Variants in GULP1 observed in about 807,000 individuals in gnomAD.
GULP1 encodes PTB domain-containing engulfment adapter protein 1.
In GULP1, 19 loss-of-function variants were observed where a neutral mutation model predicts 40.9. The observed-to-expected ratio is 0.46, with a 90% CI of 0.32 to 0.68. The LOEUF is 0.68. Among genes scored for constraint, GULP1 ranks in the 30% least tolerant of loss-of-function variants. GULP1 has a pLI of 0.03. For synonymous variants in GULP1, 119 were observed against 117.6 expected (o/e 1.01, Z -0.08); for missense variants, 312 against 362.2 (o/e 0.86, Z 1.12).
At chr2:188,380,205 C>T (rs971409846) in intron 1 of GULP1, among the ~76,000 whole-genome samples, 2 of 152,148 alleles carry the variant, frequency 1.3e-5, no homozygotes, top group Admixed American at 1.3e-4. Flanking sequence ...CTCCAAGCTA[C>T]TTAGGACAAT....
At chr2:188,501,396 G>T (rs186169074) in intron 4 of GULP1, among the ~76,000 whole-genome samples, 2 of 152,060 alleles carry the variant, frequency 1.3e-5, no homozygotes, top group South Asian at 4.1e-4. Flanking sequence ...TTCCCATCAC[G>T]TGGAACTGTG....
chr2:188,415,077 A>T (rs2054409060), intron 2 of GULP1, among the ~76,000 whole-genome samples: 1 of 152,208 alleles, frequency 6.6e-6, no homozygotes, highest in East Asian at 1.9e-4. Context: ...GAACTTAAGC[A>T]GCACTGGTTT....
At chr2:188,343,262 G>A (rs1042292216) in intron 1 of GULP1, among the ~76,000 whole-genome samples, 4 of 151,992 alleles carry the variant, frequency 2.6e-5, no homozygotes, top group Admixed American at 6.6e-5. Flanking sequence ...GAAGAAATGT[G>A]GACAGCAAAT....
chr2:188,404,009 C>A (rs2052689997), intron 2 of GULP1, among the ~76,000 whole-genome samples: 1 of 152,046 alleles, frequency 6.6e-6, no homozygotes, highest in Admixed American at 6.6e-5. Flanking sequence ...CTCACCATTC[C>A]CCCACTCTCA....
chr2:188,466,695 G>A (rs1269820115), intron 2 of GULP1: 2 of 151,896 alleles, frequency 1.3e-5, no homozygotes, highest in Non-Finnish European at 2.9e-5. Context: ...ATCTCATAAT[G>A]TGTGAGCTGG....
chr2:188,527,508 T>G (rs1686473801), intron 5 of GULP1, among the ~76,000 whole-genome samples: 1 of 152,100 alleles, frequency 6.6e-6, no homozygotes, highest in Non-Finnish European at 1.5e-5. Flanking sequence ...TAATTCATAT[T>G]ATTTGGGAGA....
At chr2:188,550,157 G>A (rs77331998) in intron 7 of GULP1, among the ~76,000 whole-genome samples, 528 of 151,716 alleles carry the variant, frequency 3.5e-3, no homozygotes, top group Non-Finnish European at 5.8e-3. Flanking sequence ...TAAATTATCT[G>A]AAAATAAAGT....
intron 2 of GULP1, among the ~76,000 whole-genome samples, chr2:188,439,476 G>A (rs901790004): frequency 6.6e-6 from 1 of 152,030 alleles, no homozygotes; most frequent in Admixed American, 6.6e-5. Flanking sequence ...CTATTGTTTG[G>A]TTAAATAAAT....
chr2:188,370,192 G>A (rs568986247), intron 1 of GULP1, among the ~76,000 whole-genome samples: 12 of 152,220 alleles, frequency 7.9e-5, no homozygotes, highest in African/African-American at 2.2e-4. Flanking sequence ...TTAAGGTAGG[G>A]TTATTCTTCC....
Position 188,541,192 on chromosome 2 carries a change from C to G in GULP1, c.273C>G (p.His91Gln). The G allele has an allele frequency of 6.2e-7, 1 of 1,612,740 alleles. No individual in the cohort carries two copies. Among genetic ancestry groups the G allele is most frequent in the Non-Finnish European group, 8.5e-7 (1 of 1,178,896 alleles). ...ILEPKTKEVQ[H>Q]NCQLHRISFC... ...ATCTGTGTTCACAGGAAGTTCAACA[C>G]AATTGCCAGCTTCATAGAATATCTT... Residue 91 changes from histidine to glutamine, a missense_variant, in exon 7 of 12, where the codon CAC (histidine) becomes CAG (glutamine). Transcript: ENST00000409830.
In GULP1 at chr2:188,569,304, A is replaced by G; in HGVS notation, c.465A>G (p.Ser155=). The change falls in exon 8 of 12, where the codon TCA becomes TCG. Residue 155 remains serine (S), a synonymous_variant. Transcript: ENST00000409830. ...TGGCATACAGGAAATTTCTAGAATC[A>G]GGAGGAAAAGATGTTGAAACAAGAA... ...FDLAYRKFLE[S]GGKDVETRKQ... 6.2e-7 allele frequency: 1 copy of G among 1,603,476 alleles called. No individual in the cohort carries two copies. Among genetic ancestry groups the G allele is most frequent in the Non-Finnish European group, 8.5e-7 (1 of 1,170,474 alleles).
At chr2:188,328,874 A>G (rs920240128) in intron 1 of GULP1, among the ~76,000 whole-genome samples, 7 of 152,126 alleles carry the variant, frequency 4.6e-5, no homozygotes, top group Admixed American at 6.6e-5. Flanking sequence ...ATTTAATACT[A>G]TCTTGCCTTT....
intron 1 of GULP1, among the ~76,000 whole-genome samples, chr2:188,327,348 C>A (rs2040898215): frequency 6.6e-6 from 1 of 152,150 alleles, no homozygotes; most frequent in South Asian, 2.1e-4. Flanking sequence ...CAAGGCTCTG[C>A]TCTGCTTGTG....
chr2:188,490,202 T>C (rs2062230484), intron 4 of GULP1, among the ~76,000 whole-genome samples: 1 of 152,172 alleles, frequency 6.6e-6, no homozygotes, highest in East Asian at 1.9e-4. Context: ...GGTTATTTTC[T>C]TGATAAGGTC....
chr2:188,466,076 A>G (rs1430696470), intron 2 of GULP1, among the ~76,000 whole-genome samples: 3 of 152,024 alleles, frequency 2.0e-5, no homozygotes, highest in African/African-American at 4.8e-5. Context: ...CCTTCTCCCC[A>G]GTCAGGCTAT....
intron 7 of GULP1, among the ~76,000 whole-genome samples, chr2:188,556,057 CAAA>C (rs1036724991): frequency 1.2e-5 from 1 of 85,096 alleles, no homozygotes; most frequent in African/African-American, 4.4e-5. Flanking sequence ...GACTCTGTCT[CAAA>C]AAAAAAAAAG....
intron 9 of GULP1, among the ~76,000 whole-genome samples, chr2:188,581,546 C>T (rs1018517644): frequency 6.6e-6 from 1 of 152,212 alleles, no homozygotes; most frequent in African/African-American, 2.4e-5. Flanking sequence ...CAGCTCTTAA[C>T]AGTAGCTTTC....
At chr2:188,333,300 A>G (rs1047234998) in intron 1 of GULP1, among the ~76,000 whole-genome samples, 8 of 152,040 alleles carry the variant, frequency 5.3e-5, no homozygotes, top group Non-Finnish European at 1.2e-4. Flanking sequence ...AGATAGAAAG[A>G]CAGATTAGAA....
intron 9 of GULP1, among the ~76,000 whole-genome samples, chr2:188,575,015 T>C (rs897777533): frequency 2.0e-5 from 3 of 152,202 alleles, no homozygotes; most frequent in African/African-American, 7.2e-5. Context: ...TTATATGTTA[T>C]ATACATGAAC....
Sources: gnomAD v4.1 joint callset for allele counts (sites outside exome capture counted in the v4.1 genomes callset) on GRCh38, gnomAD v4.1.1 for gene constraint, MANE v1.5 for transcripts, NCBI Gene and HGNC (gene_info 2026-07-23, HGNC 2026-07-21) for gene names.